The following FNDC1 variants were observed in gnomAD, a reference collection of about 807,000 sequenced individuals.
FNDC1 encodes fibronectin type III domain containing 1, also known as fibronectin type III domain-containing protein 1.
FNDC1 carries 96 observed loss-of-function variants against 168.0 expected under a neutral mutation model. The observed-to-expected ratio is 0.57, with a 90% CI of 0.48 to 0.68. The LOEUF is 0.68. Among genes scored for constraint, FNDC1 ranks in the 30% least tolerant of loss-of-function variants. FNDC1 has a pLI of 0.00. For missense variants in FNDC1, 2,587 were observed against 2,482.1 expected, an observed-to-expected ratio of 1.04 and a Z score of -0.90; for synonymous variants, 1,099 against 1,025.9, an observed-to-expected ratio of 1.07 and a Z score of -1.36.
chr6:159,198,458 T>G (rs1200660813), intron 2 of FNDC1, among the ~76,000 whole-genome samples: 1 of 151,710 alleles, frequency 6.6e-6, no homozygotes, highest in Non-Finnish European at 1.5e-5. Context: ...TCACGCTTCC[T>G]GGGTAACAGA....
intron 22 of FNDC1, among the ~76,000 whole-genome samples, chr6:159,271,013 C>T (rs904754280): frequency 4.6e-5 from 7 of 152,136 alleles, no homozygotes; most frequent in African/African-American, 1.7e-4. Flanking sequence ...TCACTGGGTT[C>T]CTATGGAGGA....
chr6:159,271,256 C>T (rs1296601882), intron 22 of FNDC1, 71 bp from the exon 23 acceptor site: 2 of 983,794 alleles, frequency 2.0e-6, no homozygotes, highest in East Asian at 2.6e-5. Context: ...CTGAAGGAGG[C>T]TGTAAGGATG....
At chr6:159,213,572 G>C (rs923080768) in intron 4 of FNDC1, among the ~76,000 whole-genome samples, 3 of 152,134 alleles carry the variant, frequency 2.0e-5, no homozygotes, top group Non-Finnish European at 2.9e-5. Context: ...CTCAGGACTG[G>C]AGCAGAGTTC....
chr6:159,266,680 G>GGTTT (rs1562314489), intron 21 of FNDC1, among the ~76,000 whole-genome samples: 1 of 144,056 alleles, frequency 6.9e-6, no homozygotes, highest in Non-Finnish European at 1.5e-5. Flanking sequence ...GAAATCTAGG[G>GGTTT]TTTTTTTTTT....
At chr6:159,170,172 G>T (rs955333343) in intron 1 of FNDC1, among the ~76,000 whole-genome samples, 2 of 152,172 alleles carry the variant, frequency 1.3e-5, no homozygotes, top group Non-Finnish European at 2.9e-5. Context: ...AGAAGGTCGT[G>T]GGGGAAAGGC....
rs1410233255 is a variant in FNDC1 at position 159,239,656 on chromosome 6, C to CA, written c.4327dup (p.Thr1443AsnfsTer81). 6 of 1,552,334 alleles carry CA rather than the reference C, an allele frequency of 3.9e-6. No homozygotes were observed. Among genetic ancestry groups the CA allele is most frequent in the Non-Finnish European group, 5.2e-6 (6 of 1,147,314 alleles). On this transcript the variant is annotated frameshift_variant, in exon 14 of 23. Transcript: ENST00000297267. LOFTEE classifies it high-confidence loss of function. ...AGCCGCTGGTGGGCTTGGAGGTCAT[C>CA]AAAAAAACCACCCATCCCCCTACCA...
chr6:159,204,114 A>C (rs149951428), intron 4 of FNDC1, among the ~76,000 whole-genome samples: 1 of 152,254 alleles, frequency 6.6e-6, no homozygotes, highest in East Asian at 1.9e-4. Context: ...TGGACAAACG[A>C]TAGCTTGGAC....
intron 6 of FNDC1, among the ~76,000 whole-genome samples, chr6:159,222,600 T>A (rs1782852709): frequency 1.3e-5 from 2 of 152,212 alleles, no homozygotes; most frequent in African/African-American, 4.8e-5. Context: ...GACTATAAGC[T>A]TTGTGACTGT....
rs2115030838 is a variant in FNDC1, at chr6:159,265,011, T to G, written c.5284+7T>G. On this transcript the variant is annotated splice_region_variant and intron_variant, in intron 20 of 22. Coordinates refer to ENST00000297267, the MANE Select transcript of FNDC1 (RefSeq NM_032532.3). Reference sequence around the variant, plus strand: ...CTTGTTGTGAGGCCCCCAGGTAAGTTTATGTTCTTGATAATCTGGACATTC... The same window carrying G: ...CTTGTTGTGAGGCCCCCAGGTAAGTGTATGTTCTTGATAATCTGGACATTC... 1 of 1,603,722 alleles carries G rather than the reference T, an allele frequency of 6.2e-7. No individual in the cohort carries two copies.
At chr6:159,207,278 A>G (rs1335169618) in intron 4 of FNDC1, among the ~76,000 whole-genome samples, 1 of 152,094 alleles carries the variant, frequency 6.6e-6, no homozygotes, top group Non-Finnish European at 1.5e-5. Flanking sequence ...ATGTGTGCTT[A>G]TTTCAGAGGC....
At chr6:159,270,718 T>C (rs1412486976) in intron 22 of FNDC1, among the ~76,000 whole-genome samples, 1 of 152,212 alleles carries the variant, frequency 6.6e-6, no homozygotes, top group African/African-American at 2.4e-5. Context: ...TTTGAGAGAT[T>C]TCCTTGAAAG....
At chr6:159,237,247 C>G (rs1243416261) in intron 12 of FNDC1, among the ~76,000 whole-genome samples, 1 of 152,052 alleles carries the variant, frequency 6.6e-6, no homozygotes, top group Non-Finnish European at 1.5e-5. Flanking sequence ...AAAACAATAC[C>G]CACCAAAGTG....
In FNDC1 at chr6:159,232,493, G is replaced by A. The variant is rs1263795392; in HGVS notation, c.1981G>A (p.Gly661Ser). 1 of 1,612,440 alleles carries A rather than the reference G, an allele frequency of 6.2e-7. No homozygotes were observed. The highest frequency in any genetic ancestry group is 8.5e-7 in the Non-Finnish European group (1 of 1,179,300). The change falls in exon 11 of 23, where the codon GGC (glycine) becomes AGC (serine). Residue 661 changes from glycine (G) to serine (S), a missense_variant. Transcript: ENST00000297267. This position sits in a 1 kb window ranked among gnomAD's most constrained non-coding sequence, Gnocchi z 4.9. ...ERAVGSLHPK[G>S]AFAQPRPALS... ...CGCTGTGGGCTCCCTCCACCCCAAG[G>A]GCGCCTTCGCCCAGCCCCGGCCAGC...
In FNDC1 at chr6:159,256,634, A is replaced by G. The variant is rs1777380705; in HGVS notation, c.5174+3A>G. Reference sequence around the variant, plus strand: ...GAGAACCTAAAGCCCAACACGAGGTACGATGTGTCAGTCATTTAGAAAAGA... The same window carrying G: ...GAGAACCTAAAGCCCAACACGAGGTGCGATGTGTCAGTCATTTAGAAAAGA... On this transcript the variant is annotated splice_donor_region_variant and intron_variant, in intron 18 of 22. Transcript: ENST00000297267. The G allele has an allele frequency of 1.3e-6, 2 of 1,598,524 alleles. No homozygotes were observed. The highest frequency in any genetic ancestry group is 2.7e-5 in the African/African-American group (2 of 74,638).
At chr6:159,188,646 G>A (rs1782059355) in intron 1 of FNDC1, among the ~76,000 whole-genome samples, 1 of 151,946 alleles carries the variant, frequency 6.6e-6, no homozygotes, top group South Asian at 2.1e-4. Context: ...CCAAAGTGCT[G>A]GGATTACAGG....
intron 5 of FNDC1, among the ~76,000 whole-genome samples, chr6:159,218,905 G>T (rs1782760277): frequency 6.6e-6 from 1 of 152,118 alleles, no homozygotes; most frequent in Admixed American, 6.5e-5. Context: ...AAGGAGCTGT[G>T]GGAGTGGGGG....
At chr6:159,253,314 A>C (rs535560750) in intron 17 of FNDC1, among the ~76,000 whole-genome samples, 79 of 152,358 alleles carry the variant, frequency 5.2e-4, no homozygotes, top group South Asian at 1.2e-3. Flanking sequence ...GCTCAGAGAG[A>C]GAATAGCGGC....
At chr6:159,268,215 A>G (rs778927632) in intron 22 of FNDC1, among the ~76,000 whole-genome samples, 2 of 152,224 alleles carry the variant, frequency 1.3e-5, no homozygotes, top group Non-Finnish European at 2.9e-5. Context: ...GAGGTAACGT[A>G]TAAGCTATTT....
At chr6:159,201,286 C>G (rs546499074) in intron 4 of FNDC1, among the ~76,000 whole-genome samples, 1 of 152,198 alleles carries the variant, frequency 6.6e-6, no homozygotes, top group African/African-American at 2.4e-5. Context: ...ATATATCAAT[C>G]TGGAGTTCTT....
Sources: allele counts gnomAD v4.1 joint callset (sites outside exome capture counted in the v4.1 genomes callset), GRCh38; gene constraint gnomAD v4.1.1; non-coding constraint Gnocchi (gnomAD v3.1); transcripts MANE v1.5; gene names NCBI Gene and HGNC (gene_info 2026-07-23, HGNC 2026-07-21).